Variants in CAMKK2 observed in about 807,000 individuals in gnomAD.
The protein encoded by CAMKK2 is calcium/calmodulin dependent protein kinase kinase 2, also known as calcium/calmodulin-dependent protein kinase kinase 2.
CAMKK2 carries 30 observed loss-of-function variants against 67.2 expected under a neutral mutation model. That is an observed-to-expected ratio of 0.45 (90% CI 0.33 to 0.61). CAMKK2 has a LOEUF of 0.61. CAMKK2 is among the 20% of genes least tolerant of loss of function. The pLI is 0.02. For synonymous variants in CAMKK2, 322 were observed against 326.2 expected (o/e 0.99, Z 0.14); for missense variants, 643 against 802.0 (o/e 0.80, Z 2.39).
chr12:121,241,656 C>T (rs1359127519), intron 16 of CAMKK2, among the ~76,000 whole-genome samples: 1 of 152,342 alleles, frequency 6.6e-6, no homozygotes, highest in Non-Finnish European at 1.5e-5. Context: ...CTGTCCTTCC[C>T]CCACAACAAT....
rs1006637516 is a variant in CAMKK2, at chr12:121,257,130, C to T, written c.797-1326G>A. 1.6e-4 allele frequency among the ~76,000 whole-genome samples: 25 copies of T among 152,180 alleles called. 1 individual carries two copies. In the East Asian group the frequency reaches 4.6e-3, roughly 28 times the overall value. On this transcript the variant is annotated intron_variant, in intron 7 of 16. Transcript: ENST00000404169. ...CAATGAGATGAGCATGTAATAGAAACCAGAGGGGATACCCCATTTTCCATG... is the reference window on the plus strand; with the variant it reads ...CAATGAGATGAGCATGTAATAGAAATCAGAGGGGATACCCCATTTTCCATG...
Position 121,285,257 on chromosome 12 carries a change from C to A in CAMKK2, c.-59-10672G>T, listed in dbSNP as rs924829860. 6.6e-6 allele frequency among the ~76,000 whole-genome samples: 1 copy of A among 152,226 alleles called. No individual in the cohort carries two copies. Among genetic ancestry groups the A allele is most frequent in the African/African-American group, 2.4e-5 (1 of 41,460 alleles). On this transcript the variant is annotated intron_variant, in intron 1 of 16. Transcript: ENST00000404169. This position sits in a 1 kb window ranked among gnomAD's most constrained non-coding sequence, Gnocchi z 4.1. The stretch of plus-strand genomic sequence containing the variant: ...GTGGTTCACGCCTGTAATCCCAGCA[C>A]TTTGGGAGGCCAAGGCGGACAGATC...
chr12:121,289,433 A>C (rs1170123783), intron 1 of CAMKK2, among the ~76,000 whole-genome samples: 1 of 152,124 alleles, frequency 6.6e-6, no homozygotes, highest in Non-Finnish European at 1.5e-5. Context: ...TTTTATTATT[A>C]TTATCTTGGT....
chr12:121,270,763 T>C (rs1248737697), intron 3 of CAMKK2, 135 bp downstream of exon 3: 1 of 651,546 alleles, frequency 1.5e-6, no homozygotes, highest in Non-Finnish European at 2.8e-6. Flanking sequence ...ACCTAGATCA[T>C]TAATGACAAA....
intron 1 of CAMKK2, among the ~76,000 whole-genome samples, chr12:121,286,583 A>G (rs1265550304): frequency 6.6e-6 from 1 of 151,966 alleles, no homozygotes; most frequent in Non-Finnish European, 1.5e-5. Context: ...TCACTCTGTC[A>G]CCCAGGCTGG....
Position 121,286,636 on chromosome 12 carries a change from C to T in CAMKK2, c.-60+10002G>A, listed in dbSNP as rs376581816. On this transcript the variant is annotated intron_variant, in intron 1 of 16. Coordinates refer to ENST00000404169, the MANE Select transcript of CAMKK2 (RefSeq NM_001270485.2). ...TTGGCTCACTGCAGCCTTGATCTCCCGGGCTCAAGCATTCCTCCCACCTCA... is the reference window on the plus strand; with the variant it reads ...TTGGCTCACTGCAGCCTTGATCTCCTGGGCTCAAGCATTCCTCCCACCTCA... 9.0e-4 allele frequency among the ~76,000 whole-genome samples: 136 copies of T among 151,358 alleles called. 1 individual carries two copies. Among genetic ancestry groups the T allele is most frequent in the African/African-American group, 3.2e-3 (130 of 41,208 alleles).
At chr12:121,244,426 G>A (rs1888999359) in intron 16 of CAMKK2, 147 bp downstream of exon 16, 1 of 766,528 alleles carries the variant, frequency 1.3e-6, no homozygotes, top group Non-Finnish European at 2.1e-6. Flanking sequence ...TCTAATACTG[G>A]GTCTGGAGGC....
At chr12:121,294,555 T>G (rs1000993477) in intron 1 of CAMKK2, among the ~76,000 whole-genome samples, 1 of 152,200 alleles carries the variant, frequency 6.6e-6, no homozygotes, top group Non-Finnish European at 1.5e-5. Context: ...CCTGGGCTCC[T>G]CAAGAAGCTC....
chr12:121,268,061 C>G (rs1894964730), intron 5 of CAMKK2, among the ~76,000 whole-genome samples: 1 of 84,496 alleles, frequency 1.2e-5, no homozygotes, highest in Non-Finnish European at 2.4e-5. Context: ...CTTTTCATGG[C>G]TGAATAATAT....
chr12:121,248,534 C>T (rs1372181272), intron 14 of CAMKK2, 72 bp downstream of exon 14: 52 of 1,577,788 alleles, frequency 3.3e-5, no homozygotes, highest in South Asian at 2.0e-4. Flanking sequence ...CGCCTGTGTC[C>T]GGCCTGTCCT....
intron 1 of CAMKK2, among the ~76,000 whole-genome samples, chr12:121,295,810 G>A (rs527569974): frequency 6.6e-6 from 1 of 152,298 alleles, no homozygotes; most frequent in East Asian, 1.9e-4. Context: ...AAGTGAGAGT[G>A]GCCAGGAGGG....
At chr12:121,274,005 G>C in intron 2 of CAMKK2, 51 bp downstream of exon 2, 2 of 1,333,126 alleles carry the variant, frequency 1.5e-6, no homozygotes, top group Non-Finnish European at 2.0e-6. Context: ...GCTGGGGGCA[G>C]GGAAGGGCAC....
intron 3 of CAMKK2, among the ~76,000 whole-genome samples, chr12:121,270,681 G>A (rs192101993): frequency 1.3e-5 from 2 of 152,202 alleles, no homozygotes; most frequent in African/African-American, 2.4e-5. Context: ...ATGGAATTTC[G>A]TTGGAAGCTT....
chr12:121,250,052 A>C lies in CAMKK2; in HGVS notation c.1162-18T>G. On this transcript the variant is annotated intron_variant, in intron 11 of 16. Coordinates refer to ENST00000404169, the MANE Select transcript of CAMKK2 (RefSeq NM_001270485.2). ...AATGGGCACTGCAAAGAGGCCAGGG[A>C]CAGAGTGGCAGTCAATGGCGGCCAC... 1 of 1,603,934 alleles carries C rather than the reference A, an allele frequency of 6.2e-7. No individual in the cohort carries two copies.
At chr12:121,283,494 G>A (rs1456805950) in intron 1 of CAMKK2, among the ~76,000 whole-genome samples, 1 of 152,090 alleles carries the variant, frequency 6.6e-6, no homozygotes, top group Non-Finnish European at 1.5e-5. Flanking sequence ...GTGACATCTG[G>A]CCACCGATAT....
At chr12:121,283,792 G>C (rs1035862932) in intron 1 of CAMKK2, among the ~76,000 whole-genome samples, 5 of 152,092 alleles carry the variant, frequency 3.3e-5, no homozygotes, top group African/African-American at 1.2e-4. Context: ...TCCAGCCTGG[G>C]TGGCAGAATG....
chr12:121,272,028 G>A (rs1462305768), intron 2 of CAMKK2, among the ~76,000 whole-genome samples: 1 of 151,092 alleles, frequency 6.6e-6, no homozygotes, highest in African/African-American at 2.4e-5. Flanking sequence ...TTTTTGTAGA[G>A]ATGGGTCTTC....
At chr12:121,257,448 G>A (rs930750484) in intron 7 of CAMKK2, among the ~76,000 whole-genome samples, 6 of 151,874 alleles carry the variant, frequency 4.0e-5, no homozygotes, top group East Asian at 3.9e-4. Flanking sequence ...GGGTTTCACC[G>A]TATTGGTCAG....
At chr12:121,292,902 G>GA (rs1900352511) in intron 1 of CAMKK2, among the ~76,000 whole-genome samples, 1 of 151,700 alleles carries the variant, frequency 6.6e-6, no homozygotes, top group Admixed American at 6.6e-5. Flanking sequence ...CCAGGAGTTG[G>GA]AGACTACAGT....
Sources: gnomAD v4.1 joint callset for allele counts (sites outside exome capture counted in the v4.1 genomes callset) on GRCh38, gnomAD v4.1.1 for gene constraint, Gnocchi (gnomAD v3.1) non-coding constraint, MANE v1.5 for transcripts, NCBI Gene and HGNC (gene_info 2026-07-23, HGNC 2026-07-21) for gene names.